Variants in TGFBR3 observed in about 807,000 individuals in gnomAD.
The protein encoded by TGFBR3 is transforming growth factor beta receptor 3.
A neutral mutation model predicts 87.9 loss-of-function variants in TGFBR3; 46 were observed. That is an observed-to-expected ratio of 0.52 (90% confidence interval 0.41 to 0.67). TGFBR3 has a LOEUF of 0.67. Among genes scored for constraint, TGFBR3 ranks in the 30% least tolerant of loss-of-function variants. TGFBR3 has a pLI of 0.00. For missense variants in TGFBR3, 866 were observed against 1,041.9 expected (o/e 0.83, Z 2.32); for synonymous variants, 381 against 391.6 (o/e 0.97, Z 0.32).
At chr1:91,863,890 ATCT>A (rs1678288690) in intron 1 of TGFBR3, 2 of 152,350 alleles carry the variant, frequency 1.3e-5, no homozygotes, top group Admixed American at 6.5e-5. Flanking sequence ...TCATATGGAA[ATCT>A]TCTCCGTTAA....
At chr1:91,768,386 A>G (rs1229442324) in intron 3 of TGFBR3, among the ~76,000 whole-genome samples, 1 of 152,214 alleles carries the variant, frequency 6.6e-6, no homozygotes, top group African/African-American at 2.4e-5. Context: ...AACCTTGTCC[A>G]GTATCTAGCA....
chr1:91,882,323 G>A (rs1427504104), intron 1 of TGFBR3, among the ~76,000 whole-genome samples: 1 of 151,576 alleles, frequency 6.6e-6, no homozygotes, highest in Admixed American at 6.6e-5. Context: ...TTTCTGTAGA[G>A]ATCAGGTTTC....
intron 7 of TGFBR3, among the ~76,000 whole-genome samples, chr1:91,722,448 T>A (rs1420677720): frequency 1.3e-5 from 2 of 152,164 alleles, no homozygotes; most frequent in Non-Finnish European, 2.9e-5. Flanking sequence ...GTACAGTTAG[T>A]CTAATGTTTA....
At chr1:91,806,480 G>T (rs1557720887) in intron 2 of TGFBR3, among the ~76,000 whole-genome samples, 2 of 152,036 alleles carry the variant, frequency 1.3e-5, no homozygotes, top group African/African-American at 4.8e-5. Context: ...ACTGGCGGGG[G>T]GGGTAATGTT....
intron 5 of TGFBR3, among the ~76,000 whole-genome samples, chr1:91,734,049 GGAGA>G (rs1350727806): frequency 4.1e-5 from 4 of 96,462 alleles, no homozygotes; most frequent in Non-Finnish European, 9.4e-5. Flanking sequence ...AGGAAGGGAG[GGAGA>G]GAGGGAGGGA....
At chr1:91,884,656 T>C (rs982852260) in intron 1 of TGFBR3, among the ~76,000 whole-genome samples, 1 of 152,198 alleles carries the variant, frequency 6.6e-6, no homozygotes, top group Non-Finnish European at 1.5e-5. Context: ...TAACCTCTAG[T>C]GTCTTATCTG....
intron 4 of TGFBR3, among the ~76,000 whole-genome samples, chr1:91,752,204 A>C (rs1346785022): frequency 2.6e-5 from 4 of 152,206 alleles, no homozygotes; most frequent in African/African-American, 9.6e-5. Flanking sequence ...AATTTCAGGT[A>C]AACAATGAAT....
rs984446537 is a variant in TGFBR3, at chr1:91,808,075, T to C, written c.62-10604A>G. On this transcript the variant is annotated intron_variant, in intron 2 of 16. Coordinates refer to ENST00000212355, the MANE Select transcript of TGFBR3 (RefSeq NM_003243.5). Reference sequence around the variant, plus strand: ...CTAAGATAAGATGTTCTTATACTACTCCCTAGCATTACTCCCCAGAAATTA... The same window carrying C: ...CTAAGATAAGATGTTCTTATACTACCCCCTAGCATTACTCCCCAGAAATTA... Among the ~76,000 whole-genome samples, 7 of 152,296 alleles carry C rather than the reference T, an allele frequency of 4.6e-5. No homozygotes were observed. In the East Asian group the frequency reaches 1.4e-3, roughly 29 times the overall value.
At chr1:91,814,685 T>C (rs1030422700) in intron 2 of TGFBR3, among the ~76,000 whole-genome samples, 3 of 152,186 alleles carry the variant, frequency 2.0e-5, no homozygotes, top group African/African-American at 7.2e-5. Context: ...TCTTCTACTA[T>C]TGTATGACCA....
rs1347351851 is a variant in TGFBR3, at chr1:91,759,419, C to G, written c.247-669G>C. ...AAAAAAAAAAAACAGGGAAGAAAAC[C>G]ATGGGATGGATACAAAAACTGTAAC... On this transcript the variant is annotated intron_variant, in intron 3 of 16. Transcript: ENST00000212355. Among the ~76,000 whole-genome samples, 4 of 146,386 alleles carry G rather than the reference C, an allele frequency of 2.7e-5. No individual in the cohort carries two copies. In the South Asian group the frequency reaches 8.7e-4, roughly 32 times the overall value.
intron 2 of TGFBR3, among the ~76,000 whole-genome samples, chr1:91,814,547 T>G (rs1489782605): frequency 6.6e-6 from 1 of 152,006 alleles, no homozygotes; most frequent in Non-Finnish European, 1.5e-5. Flanking sequence ...CCAAAACATA[T>G]AAGAACATGC....
At chr1:91,800,328 A>ATATGTG (rs1553168318) in intron 2 of TGFBR3, among the ~76,000 whole-genome samples, 1 of 122,578 alleles carries the variant, frequency 8.2e-6, no homozygotes, top group African/African-American at 3.2e-5. Flanking sequence ...ATATATGTGT[A>ATATGTG]TATGTGTGTG....
intron 3 of TGFBR3, among the ~76,000 whole-genome samples, chr1:91,792,033 G>A (rs1675214089): frequency 6.6e-6 from 1 of 152,162 alleles, no homozygotes; most frequent in Non-Finnish European, 1.5e-5. Flanking sequence ...CCAAAAAAGG[G>A]ACAGCTTTAT....
At chr1:91,893,685 C>A (rs10157853) in intron 2 of TGFBR3, among the ~76,000 whole-genome samples, 48,072 of 149,498 alleles carry the variant, frequency 0.32, 8,739 homozygotes, top group Non-Finnish European at 0.4. Flanking sequence ...AATCTTTTAT[C>A]CTGTTTTTTT....
chr1:91,890,763 T>A (rs2101329355), upstream of TGFBR3, among the ~76,000 whole-genome samples: 1 of 152,228 alleles, frequency 6.6e-6, no homozygotes, highest in Non-Finnish European at 1.5e-5. Flanking sequence ...AGAGAGGTTA[T>A]GTAACTTGCC....
At chr1:91,725,373 A>T (rs956421785) in intron 7 of TGFBR3, among the ~76,000 whole-genome samples, 2 of 152,178 alleles carry the variant, frequency 1.3e-5, no homozygotes, top group African/African-American at 4.8e-5. Context: ...TTGTTCCTAT[A>T]GACACTCTGA....
At chr1:91,902,271 T>TTGTGTGTGTGTGTGTGTGTG (rs200355608) in intron 1 of TGFBR3, among the ~76,000 whole-genome samples, 36 of 148,350 alleles carry the variant, frequency 2.4e-4, no homozygotes, top group African/African-American at 9.0e-4. Flanking sequence ...TCCTTTTCTT[T>TTGTGTGTGTGTGTGTGTGTG]TGTGTGTGTG....
In TGFBR3 at chr1:91,761,532, T is replaced by C. The variant is rs962187195; in HGVS notation, c.247-2782A>G. Among the ~76,000 whole-genome samples, 7 of 152,332 alleles carry C rather than the reference T, an allele frequency of 4.6e-5. No individual in the cohort carries two copies. In the East Asian group the frequency reaches 1.2e-3, roughly 25 times the overall value. On this transcript the variant is annotated intron_variant, in intron 3 of 16. Transcript: ENST00000212355. Reference sequence around the variant, plus strand: ...ACCCAATAGTTTCTTTAAAAGATCATTTGGCAGGGACAATGAGTCCTGCAA... The same window carrying C: ...ACCCAATAGTTTCTTTAAAAGATCACTTGGCAGGGACAATGAGTCCTGCAA...
chr1:91,830,077 G>A (rs2101083403), intron 2 of TGFBR3: 1 of 152,000 alleles, frequency 6.6e-6, no homozygotes, highest in Admixed American at 6.5e-5. Context: ...ATAAAGGCAG[G>A]GCCTGAAATA....
Sources: gnomAD v4.1 joint callset for allele counts (sites outside exome capture counted in the v4.1 genomes callset) on GRCh38, gnomAD v4.1.1 for gene constraint, MANE v1.5 for transcripts, NCBI Gene and HGNC (gene_info 2026-07-23, HGNC 2026-07-21) for gene names.